Variants in CEP128 observed in about 807,000 individuals in gnomAD.
The protein encoded by CEP128 is centrosomal protein 128.
CEP128 carries 132 observed loss-of-function variants against 156.7 expected under a neutral mutation model. The observed-to-expected ratio is 0.84, with a 90% CI of 0.73 to 0.97. CEP128 has a LOEUF of 0.97. Ranked by LOEUF, CEP128 falls within the 50% of genes least tolerant of loss-of-function variation. The probability of loss-of-function intolerance (pLI) is 0.00; values close to 1 mark genes in which losing one functional copy is unlikely to be tolerated. For synonymous variants in CEP128, 469 were observed against 448.9 expected (o/e 1.04, Z -0.57); for missense variants, 1,252 against 1,281.9 (o/e 0.98, Z 0.36).
intron 2 of CEP128, among the ~76,000 whole-genome samples, chr14:80,954,437 T>C (rs973187082): frequency 2.6e-5 from 4 of 152,196 alleles, no homozygotes; most frequent in African/African-American, 9.7e-5. Context: ...TTCTGTAAAA[T>C]TTGGAATACA....
intron 13 of CEP128, among the ~76,000 whole-genome samples, chr14:80,823,727 G>A (rs927724404): frequency 6.6e-6 from 1 of 152,204 alleles, no homozygotes; most frequent in African/African-American, 2.4e-5. Context: ...GCTTTGCAGG[G>A]TAGAGCTCCC....
intron 18 of CEP128, among the ~76,000 whole-genome samples, chr14:80,749,535 A>C (rs1322461707): frequency 6.6e-6 from 1 of 152,214 alleles, no homozygotes; most frequent in African/African-American, 2.4e-5. Flanking sequence ...AAGGAAGACG[A>C]ACTTCACATG....
intron 13 of CEP128, among the ~76,000 whole-genome samples, chr14:80,802,980 A>C (rs1361574124): frequency 1.3e-5 from 2 of 152,222 alleles, no homozygotes; most frequent in Non-Finnish European, 2.9e-5. Context: ...AAACTGTGGC[A>C]TTTGAAAGAC....
intron 8 of CEP128, among the ~76,000 whole-genome samples, chr14:80,887,568 C>A (rs1226443102): frequency 6.6e-6 from 1 of 152,144 alleles, no homozygotes; most frequent in Non-Finnish European, 1.5e-5. Flanking sequence ...TCAAGAAGTT[C>A]TTTGAAACCA....
intron 2 of CEP128, among the ~76,000 whole-genome samples, chr14:80,951,251 CT>C (rs1047644804): frequency 6.6e-5 from 10 of 151,928 alleles, no homozygotes; most frequent in African/African-American, 2.4e-4. Context: ...GGGTAACTGT[CT>C]TATTATTTGA....
intron 8 of CEP128, among the ~76,000 whole-genome samples, chr14:80,893,247 T>C (rs938561602): frequency 4.0e-5 from 6 of 151,852 alleles, no homozygotes; most frequent in African/African-American, 1.4e-4. Flanking sequence ...TATTGCATGA[T>C]CTCACTAATT....
At chr14:80,566,691 T>C (rs1394387756) in intron 20 of CEP128, among the ~76,000 whole-genome samples, 1 of 152,182 alleles carries the variant, frequency 6.6e-6, no homozygotes, top group Non-Finnish European at 1.5e-5. Context: ...CCAGGATGGG[T>C]GGCATTGGAG....
intron 9 of CEP128, among the ~76,000 whole-genome samples, chr14:80,854,914 T>C (rs1006952077): frequency 6.6e-6 from 1 of 151,822 alleles, no homozygotes; most frequent in African/African-American, 2.4e-5. Flanking sequence ...GTAACATAAA[T>C]AATCGGGGAC....
At chr14:80,522,564 G>A (rs925369716) in intron 23 of CEP128, among the ~76,000 whole-genome samples, 3 of 152,198 alleles carry the variant, frequency 2.0e-5, no homozygotes, top group Non-Finnish European at 4.4e-5. Flanking sequence ...GAAGAAGGAT[G>A]GGGAATAAAC....
In CEP128 at chr14:80,792,908, A is replaced by T; in HGVS notation, c.1412T>A (p.Leu471Gln). The change falls in exon 14 of 25, where the codon CTG becomes CAG. Residue 471 changes from leucine to glutamine, a missense_variant. Leu to Gln is a moderately radical substitution (Grantham distance 113, BLOSUM62 -2). Transcript: ENST00000555265. ...CCTCCTCTTCTCCGCCTCCTCTTTCAGAGCCTCTGACTGCTGGAGCTCACT... is the reference window on the plus strand; with the variant it reads ...CCTCCTCTTCTCCGCCTCCTCTTTCTGAGCCTCTGACTGCTGGAGCTCACT... ...YLSELQQSEA[L>Q]KEEAEKRRED... 1 of 1,614,106 alleles carries T rather than the reference A, an allele frequency of 6.2e-7. No individual in the cohort carries two copies. The highest frequency in any genetic ancestry group is 8.5e-7 in the Non-Finnish European group (1 of 1,180,014).
intron 13 of CEP128, among the ~76,000 whole-genome samples, chr14:80,817,414 C>T (rs982617059): frequency 5.3e-5 from 8 of 151,938 alleles, no homozygotes; most frequent in Admixed American, 2.6e-4. Context: ...ACATGTCAAA[C>T]GTAGGAGACA....
chr14:80,904,946 G>A lies in CEP128; in HGVS notation c.362-15C>T, dbSNP rs746224364. On this transcript the variant is annotated splice_polypyrimidine_tract_variant and intron_variant, in intron 5 of 24. Coordinates refer to ENST00000555265, the MANE Select transcript of CEP128 (RefSeq NM_152446.5). ...ATGATGGAGCTCTTCACAAGTGAAA[G>A]AAAAGGGAAGGTATTAAAATACTGC... 1 of 1,388,178 alleles carries A rather than the reference G, an allele frequency of 7.2e-7. No homozygotes were observed. The highest frequency in any genetic ancestry group is 1.0e-6 in the Non-Finnish European group (1 of 974,208). The allele number at this position is 1,388,178 out of a possible 1,614,324, so 86.0% of individuals were successfully genotyped here. A position where few individuals can be genotyped will look rare whatever the true frequency, so the allele number is the denominator to read the frequency against.
At chr14:80,684,037 G>T (rs1176901923) in intron 19 of CEP128, among the ~76,000 whole-genome samples, 2 of 152,024 alleles carry the variant, frequency 1.3e-5, no homozygotes, top group Non-Finnish European at 2.9e-5. Context: ...ACCTAGAGGA[G>T]CTGGAAAAAC....
At chr14:80,583,517 G>T (rs1891677561) in intron 19 of CEP128, among the ~76,000 whole-genome samples, 1 of 152,128 alleles carries the variant, frequency 6.6e-6, no homozygotes, top group Non-Finnish European at 1.5e-5. Flanking sequence ...AACACCAGAG[G>T]TGTCCTTTTA....
At chr14:80,729,055 GGGGGT>G (rs1898132924) in intron 19 of CEP128, among the ~76,000 whole-genome samples, 4 of 89,946 alleles carry the variant, frequency 4.4e-5, no homozygotes, top group Admixed American at 1.2e-4. Context: ...CTGGGCTGGT[GGGGGT>G]GTGTGTGTGT....
chr14:80,800,073 C>A (rs1566634952), intron 13 of CEP128, among the ~76,000 whole-genome samples: 1 of 152,078 alleles, frequency 6.6e-6, no homozygotes, highest in Non-Finnish European at 1.5e-5. Flanking sequence ...CCTTTTGAAA[C>A]CCTTAATAAA....
intron 19 of CEP128, among the ~76,000 whole-genome samples, chr14:80,617,954 C>T (rs1243940278): frequency 1.3e-5 from 2 of 152,174 alleles, no homozygotes; most frequent in Non-Finnish European, 2.9e-5. Context: ...AATTAGTTAC[C>T]TTCTCTGCAC....
In CEP128 at chr14:80,847,242, A is replaced by G. The variant is rs959324376; in HGVS notation, c.763-6474T>C. 2.6e-5 allele frequency among the ~76,000 whole-genome samples: 4 copies of G among 152,200 alleles called. No individual in the cohort carries two copies. In the East Asian group the frequency reaches 7.7e-4, roughly 29 times the overall value. ...AGACTAAAGAAGGTGACTGAAAAGC[A>G]TGATGTATCTCAGACCTGCATGTTT... On this transcript the variant is annotated intron_variant, in intron 9 of 24. Coordinates refer to ENST00000555265, the MANE Select transcript of CEP128 (RefSeq NM_152446.5).
At chr14:80,568,694 C>T (rs562857906) in intron 20 of CEP128, among the ~76,000 whole-genome samples, 1 of 152,212 alleles carries the variant, frequency 6.6e-6, no homozygotes, top group African/African-American at 2.4e-5. Flanking sequence ...CTCCATTTCC[C>T]AACACACACG....
Sources: gnomAD v4.1 joint callset for allele counts (sites outside exome capture counted in the v4.1 genomes callset) on GRCh38, gnomAD v4.1.1 for gene constraint, MANE v1.5 for transcripts, NCBI Gene and HGNC (gene_info 2026-07-23, HGNC 2026-07-21) for gene names.